ME1: variants seen among roughly 807,000 people sequenced by gnomAD.
ME1 encodes the protein NADP-dependent malic enzyme.
In ME1, 74 loss-of-function variants were observed where a neutral mutation model predicts 66.4. The observed-to-expected ratio is 1.11, with a 90% confidence interval of 0.92 to 1.35. The LOEUF is 1.35. ME1 is among the 40% of genes most tolerant of loss of function. The probability of loss-of-function intolerance (pLI) is 0.00; values close to 1 mark genes in which losing one functional copy is unlikely to be tolerated. For missense variants in ME1, 750 were observed against 694.1 expected, an observed-to-expected ratio of 1.08 and a Z score of -0.90; for synonymous variants, 251 against 235.6, an observed-to-expected ratio of 1.07 and a Z score of -0.60.
At chr6:83,238,820 A>G (rs980994973) in intron 8 of ME1, among the ~76,000 whole-genome samples, 1 of 148,806 alleles carries the variant, frequency 6.7e-6, no homozygotes, top group African/African-American at 2.4e-5. Context: ...ATATATATAT[A>G]GCCACAAAAT....
chr6:83,356,070 T>C (rs529531172), intron 3 of ME1, among the ~76,000 whole-genome samples: 27 of 152,268 alleles, frequency 1.8e-4, no homozygotes, highest in African/African-American at 3.6e-4. Flanking sequence ...TACTTCTTCA[T>C]GTTATCTCAG....
At chr6:83,265,703 T>C (rs929524245) in intron 6 of ME1, among the ~76,000 whole-genome samples, 1 of 152,230 alleles carries the variant, frequency 6.6e-6, no homozygotes, top group Admixed American at 6.5e-5. Flanking sequence ...GCAATATCTT[T>C]GAGGTATGCC....
rs368296214 is a variant in ME1 at position 83,430,960 on chromosome 6, G to A, written c.-6C>T. On this transcript the variant is annotated 5_prime_UTR_variant, in exon 1 of 14. Coordinates refer to ENST00000369705, the MANE Select transcript of ME1 (RefSeq NM_002395.6). Reference sequence around the variant, plus strand: ...CGGGGGGCTTCGGGCTCCATGGCTGGCGCCGGGTTCGGCGGCGGGGTCAGG... The same window carrying A: ...CGGGGGGCTTCGGGCTCCATGGCTGACGCCGGGTTCGGCGGCGGGGTCAGG... 1 of 1,556,280 alleles carries A rather than the reference G, an allele frequency of 6.4e-7. No individual in the cohort carries two copies. The highest frequency in any genetic ancestry group is 8.7e-7 in the Non-Finnish European group (1 of 1,153,530).
intron 3 of ME1, among the ~76,000 whole-genome samples, chr6:83,357,963 A>C (rs1285325101): frequency 4.9e-5 from 6 of 121,634 alleles, no homozygotes; most frequent in Non-Finnish European, 6.7e-5. Context: ...ATATATATAT[A>C]TATATATATA....
intron 7 of ME1, among the ~76,000 whole-genome samples, chr6:83,243,556 TCGATATAATCTA>T (rs1790550855): frequency 1.3e-5 from 1 of 75,126 alleles, no homozygotes; most frequent in African/African-American, 6.3e-5. Flanking sequence ...TTATATTATA[TCGATATAATCTA>T]TTATAATTAC....
intron 1 of ME1, among the ~76,000 whole-genome samples, chr6:83,422,340 A>G (rs894666819): frequency 4.6e-5 from 7 of 152,184 alleles, no homozygotes; most frequent in Admixed American, 6.5e-5. Context: ...TTGCAAAATC[A>G]CCTAACCAGG....
chr6:83,241,422 C>A (rs139887126), intron 7 of ME1, among the ~76,000 whole-genome samples: 3 of 152,032 alleles, frequency 2.0e-5, no homozygotes, highest in Non-Finnish European at 4.4e-5. Flanking sequence ...TGGACACTTA[C>A]GGTCAGATAG....
chr6:83,303,692 G>C (rs546982996), intron 6 of ME1, among the ~76,000 whole-genome samples: 1 of 114,654 alleles, frequency 8.7e-6, no homozygotes, highest in East Asian at 2.4e-4. Context: ...AACAAAATAC[G>C]ATTTTTTTTT....
At chr6:83,251,931 AG>A (rs892031741) in intron 7 of ME1, among the ~76,000 whole-genome samples, 2 of 152,256 alleles carry the variant, frequency 1.3e-5, no homozygotes, top group African/African-American at 4.8e-5. Context: ...CTGAGCACTT[AG>A]ATCTACATCT....
At chr6:83,345,926 G>T (rs539663013) in intron 5 of ME1, among the ~76,000 whole-genome samples, 3 of 152,112 alleles carry the variant, frequency 2.0e-5, no homozygotes, top group African/African-American at 7.2e-5. Flanking sequence ...TAGAATAATG[G>T]TGTAAATACA....
At chr6:83,240,074 G>A (rs948126434) in intron 7 of ME1, among the ~76,000 whole-genome samples, 1 of 151,940 alleles carries the variant, frequency 6.6e-6, no homozygotes, top group African/African-American at 2.4e-5. Context: ...ATTACTCTTG[G>A]GGTTTTGAAA....
At chr6:83,346,999 G>C (rs1768700112) in intron 4 of ME1, among the ~76,000 whole-genome samples, 1 of 151,500 alleles carries the variant, frequency 6.6e-6, no homozygotes, top group Non-Finnish European at 1.5e-5. Context: ...TGTCACCCAG[G>C]CTGGAGTGCA....
intron 4 of ME1, among the ~76,000 whole-genome samples, chr6:83,349,129 G>A (rs1342755291): frequency 1.3e-5 from 2 of 150,948 alleles, no homozygotes; most frequent in Non-Finnish European, 2.9e-5. Flanking sequence ...ATATGTAGTA[G>A]TTTGAGAAGT....
At chr6:83,316,843 T>C (rs151094046) in intron 5 of ME1, among the ~76,000 whole-genome samples, 1 of 151,626 alleles carries the variant, frequency 6.6e-6, no homozygotes, top group African/African-American at 2.4e-5. Context: ...AAATGCAAAA[T>C]TCATAAGGAC....
chr6:83,261,540 T>A (rs1766888616), intron 6 of ME1, among the ~76,000 whole-genome samples: 1 of 151,818 alleles, frequency 6.6e-6, no homozygotes, highest in Non-Finnish European at 1.5e-5. Flanking sequence ...TGCCTGTTCC[T>A]ATGTTCAGAG....
At chr6:83,286,688 A>G (rs890733280) in intron 6 of ME1, among the ~76,000 whole-genome samples, 2 of 152,210 alleles carry the variant, frequency 1.3e-5, no homozygotes, top group African/African-American at 4.8e-5. Context: ...CATTTATAAC[A>G]TTTAAGAGAA....
rs1790475425 is a variant in ME1, at chr6:83,239,586, T to C, written c.865A>G (p.Lys289Glu). The part of the protein sequence containing the change: ...AGLLAALRIT[K>E]NKLSDQTILF... ...ATTGTTTGATCAGACAGTTTGTTCT[T>C]GGTTATTCGAAGAGCTGCAAGGAGA... Residue 289 changes from lysine to glutamate, a missense_variant, in exon 8 of 14, where the codon AAG (lysine) becomes GAG (glutamate). Transcript: ENST00000369705. 6 of 1,613,484 alleles carry C rather than the reference T, an allele frequency of 3.7e-6. No homozygotes were observed. The highest frequency in any genetic ancestry group is 5.1e-6 in the Non-Finnish European group (6 of 1,179,516).
intron 1 of ME1, among the ~76,000 whole-genome samples, chr6:83,416,631 C>G (rs950307311): frequency 2.0e-4 from 31 of 152,086 alleles, no homozygotes; most frequent in African/African-American, 7.2e-4. Context: ...ACTCACGCCT[C>G]TAATCCCAGC....
intron 12 of ME1, among the ~76,000 whole-genome samples, chr6:83,222,003 A>C (rs763437777): frequency 6.6e-6 from 1 of 152,086 alleles, no homozygotes; most frequent in Non-Finnish European, 1.5e-5. Context: ...TTTTTCCTTC[A>C]AAGTGTTTTT....
Sources: allele counts gnomAD v4.1 joint callset (sites outside exome capture counted in the v4.1 genomes callset), GRCh38; gene constraint gnomAD v4.1.1; transcripts MANE v1.5; gene names NCBI Gene and HGNC (gene_info 2026-07-23, HGNC 2026-07-21).